Variants in COL22A1 observed in about 807,000 individuals in gnomAD.
COL22A1 encodes collagen alpha-1(XXII) chain.
In COL22A1, 221 loss-of-function variants were observed where a neutral mutation model predicts 248.9. That is an observed-to-expected ratio of 0.89 (90% CI 0.80 to 0.99). COL22A1 has a LOEUF of 0.99. Among genes scored for constraint, COL22A1 ranks in the 50% least tolerant of loss-of-function variants. The pLI is 0.00. For missense variants in COL22A1, 2,240 were observed against 2,179.0 expected, an observed-to-expected ratio of 1.03 and a Z score of -0.56; for synonymous variants, 891 against 793.4, an observed-to-expected ratio of 1.12 and a Z score of -2.07.
chr8:138,667,830 T>C (rs1258859323), intron 41 of COL22A1, among the ~76,000 whole-genome samples: 2 of 152,144 alleles, frequency 1.3e-5, no homozygotes, highest in African/African-American at 4.8e-5. Context: ...AGACATCATG[T>C]GCCTCCTGCT....
At chr8:138,859,660 AC>A (rs35933359) in intron 3 of COL22A1, among the ~76,000 whole-genome samples, 6 of 151,394 alleles carry the variant, frequency 4.0e-5, no homozygotes, top group East Asian at 2.0e-4. Flanking sequence ...GGGTGGCGCC[AC>A]CCCCCCACAC....
chr8:138,788,581 A>C lies in COL22A1; in HGVS notation c.1597-7601T>G, dbSNP rs1292050972. On this transcript the variant is annotated intron_variant, in intron 12 of 64. Transcript: ENST00000303045. ...AAGGTTCTTTATGTTGGCCTCCTGG[A>C]ACATGCTTTCTAATAACACTCTCTA... is the stretch of plus-strand genomic sequence containing the variant. Among the ~76,000 whole-genome samples the C allele has an allele frequency of 2.0e-5, 3 of 152,282 alleles. No individual in the cohort carries two copies. The South Asian group carries it at 6.2e-4, about 32-fold the overall frequency.
chr8:138,589,663 G>T (rs1467230252), intron 64 of COL22A1, among the ~76,000 whole-genome samples: 1 of 152,172 alleles, frequency 6.6e-6, no homozygotes, highest in Non-Finnish European at 1.5e-5. Context: ...TTAACTATTT[G>T]ACCTAGGATA....
intron 16 of COL22A1, among the ~76,000 whole-genome samples, chr8:138,768,109 C>G (rs932931829): frequency 2.6e-5 from 4 of 152,166 alleles, no homozygotes; most frequent in African/African-American, 9.7e-5. Flanking sequence ...CCTGGCCCTC[C>G]GCCTCTGCCC....
At chr8:138,631,989 G>A (rs1339316834) in intron 49 of COL22A1, among the ~76,000 whole-genome samples, 1 of 152,166 alleles carries the variant, frequency 6.6e-6, no homozygotes, top group Non-Finnish European at 1.5e-5. Flanking sequence ...ATAAATGAAT[G>A]AATTAGAAGT....
At chr8:138,755,864 C>G in intron 18 of COL22A1, 35 bp from the exon 19 acceptor site, 1 of 1,595,148 alleles carries the variant, frequency 6.3e-7, no homozygotes, top group South Asian at 1.1e-5. Flanking sequence ...AGCATAGTTA[C>G]TGGTGCCACC....
intron 3 of COL22A1, among the ~76,000 whole-genome samples, chr8:138,848,840 C>T (rs1821430093): frequency 2.6e-5 from 4 of 152,144 alleles, no homozygotes; most frequent in Non-Finnish European, 1.5e-5. Context: ...GGAAGAGATA[C>T]GGTGGCCCCA....
rs1298857538 is a variant in COL22A1, at chr8:138,776,072, G to C, written c.1759-62C>G. On this transcript the variant is annotated intron_variant, in intron 15 of 64. Transcript: ENST00000303045. ...AATCTGGCTTCTCTGTGCTCACCGT[G>C]GGGGTGTCCATGGAGAAACTGCCTG... The C allele has an allele frequency of 1.9e-6, 3 of 1,561,796 alleles. No homozygotes were observed. The East Asian group carries it at 6.7e-5, about 35-fold the overall frequency.
At chr8:138,876,753 C>G (rs1823744293) in intron 3 of COL22A1, among the ~76,000 whole-genome samples, 1 of 152,178 alleles carries the variant, frequency 6.6e-6, no homozygotes, top group Non-Finnish European at 1.5e-5. Flanking sequence ...GCCCCCAAAG[C>G]TTTCCCTGCC....
At chr8:138,626,271 A>T (rs373743383) in intron 50 of COL22A1, 28 bp from the exon 51 acceptor site, 3 of 1,584,080 alleles carry the variant, frequency 1.9e-6, no homozygotes, top group East Asian at 4.5e-5. Context: ...TAAAAACACC[A>T]TGAAACCTCT....
At chr8:138,850,910 T>G (rs933169422) in intron 3 of COL22A1, among the ~76,000 whole-genome samples, 2 of 152,168 alleles carry the variant, frequency 1.3e-5, no homozygotes, top group African/African-American at 4.8e-5. Flanking sequence ...AAGTGCTCAT[T>G]TATTTATCCC....
chr8:138,614,901 G>A (rs10094993), intron 55 of COL22A1, among the ~76,000 whole-genome samples: 94,639 of 152,070 alleles, frequency 0.62, 32,283 homozygotes, highest in Middle Eastern at 0.81. Flanking sequence ...CACGTGCTCC[G>A]GTGTGTCAAG....
At chr8:138,649,615 T>G (rs977841589) in intron 46 of COL22A1, 50 bp downstream of exon 46, 2 of 1,576,600 alleles carry the variant, frequency 1.3e-6, no homozygotes, top group South Asian at 1.2e-5. Flanking sequence ...ATCTCCAGAA[T>G]GATATTTTCA....
At chr8:138,591,684 A>C (rs571330104) in intron 63 of COL22A1, among the ~76,000 whole-genome samples, 183 bp from the exon 64 acceptor site, 1 of 152,248 alleles carries the variant, frequency 6.6e-6, no homozygotes, top group East Asian at 1.9e-4. Flanking sequence ...ACTCATTCAC[A>C]CACACACTCC....
chr8:138,788,449 A>C (rs1227031882), intron 12 of COL22A1, among the ~76,000 whole-genome samples: 1 of 152,240 alleles, frequency 6.6e-6, no homozygotes, highest in African/African-American at 2.4e-5. Flanking sequence ...GTTAAACTAA[A>C]TAGCACATGC....
intron 7 of COL22A1, 104 bp downstream of exon 7, chr8:138,821,032 G>T: frequency 7.8e-7 from 1 of 1,275,572 alleles, no homozygotes; most frequent in Non-Finnish European, 1.1e-6. Context: ...TGATGATTTG[G>T]TACCTGGTTC....
chr8:138,694,670 A>T, intron 33 of COL22A1, 109 bp from the exon 34 acceptor site: 2 of 1,383,330 alleles, frequency 1.4e-6, no homozygotes, highest in Non-Finnish European at 2.0e-6. Flanking sequence ...CAAGGAGGGG[A>T]CGTAGCTAGC....
chr8:138,664,194 TGCGCGC>T (rs150972699), intron 41 of COL22A1, among the ~76,000 whole-genome samples: 80 of 85,374 alleles, frequency 9.4e-4, no homozygotes, highest in African/African-American at 2.8e-3. Context: ...CAACAAGGGG[TGCGCGC>T]GCGCGCGCGC....
intron 4 of COL22A1, among the ~76,000 whole-genome samples, chr8:138,833,498 G>A (rs73366876): frequency 1.1e-3 from 172 of 152,300 alleles, no homozygotes; most frequent in African/African-American, 3.8e-3. Context: ...TGTGCTCTTC[G>A]CTCTTGCAGG....
Sources: allele counts gnomAD v4.1 joint callset (sites outside exome capture counted in the v4.1 genomes callset), GRCh38; gene constraint gnomAD v4.1.1; transcripts MANE v1.5; gene names NCBI Gene and HGNC (gene_info 2026-07-23, HGNC 2026-07-21).